PHLPP1: variants seen among roughly 807,000 people sequenced by gnomAD.
PHLPP1 encodes the protein PH domain leucine-rich repeat-containing protein phosphatase 1.
PHLPP1 carries 42 observed loss-of-function variants against 117.2 expected under a neutral mutation model. The observed-to-expected ratio is 0.36, with a 90% CI of 0.28 to 0.46. The LOEUF (loss-of-function observed/expected upper bound fraction) is 0.46, where lower values mean the gene tolerates loss of function less well. Among genes scored for constraint, PHLPP1 ranks in the 20% least tolerant of loss-of-function variants. The pLI is 1.00. For synonymous variants in PHLPP1, 1,042 were observed against 970.7 expected, an observed-to-expected ratio of 1.07 and a Z score of -1.37; for missense variants, 2,084 against 2,241.9, an observed-to-expected ratio of 0.93 and a Z score of 1.42.
intron 13 of PHLPP1, among the ~76,000 whole-genome samples, chr18:62,962,344 GT>G (rs1910794869): frequency 6.6e-6 from 1 of 152,124 alleles, no homozygotes; most frequent in African/African-American, 2.4e-5. Context: ...TTTCGCTCTT[GT>G]TGCCCAGGCT....
chr18:62,806,126 A>G (rs1167771635), intron 1 of PHLPP1, among the ~76,000 whole-genome samples: 1 of 152,060 alleles, frequency 6.6e-6, no homozygotes, highest in Admixed American at 6.6e-5. Flanking sequence ...TTTATATCAT[A>G]TCCTTACCCT....
intron 10 of PHLPP1, among the ~76,000 whole-genome samples, chr18:62,920,420 G>A (rs1909426233): frequency 3.9e-5 from 6 of 152,168 alleles, no homozygotes; most frequent in Admixed American, 3.3e-4. Context: ...TTACTACCTG[G>A]TCACATCCCA....
Position 62,716,773 on chromosome 18 carries a change from G to T in PHLPP1, c.1090G>T (p.Asp364Tyr). 8 of 1,526,190 alleles carry T rather than the reference G, an allele frequency of 5.2e-6. No individual in the cohort carries two copies. The highest frequency in any genetic ancestry group is 7.0e-6 in the Non-Finnish European group (8 of 1,142,102). The allele number at this position is 1,526,190 out of a possible 1,614,324, so 94.5% of individuals were successfully genotyped here. A position where few individuals can be genotyped will look rare whatever the true frequency, so the allele number is the denominator to read the frequency against. The change falls in exon 1 of 17, where the codon GAC becomes TAC. Residue 364 changes from aspartate to tyrosine, a missense_variant. Physicochemically the swap from Asp to Tyr is radical, Grantham distance 160. Around this residue, in one of 2 missense-constraint regions of PHLPP1, gnomAD observed 719 missense variants for 636.0 expected, o/e 1.13. Transcript: ENST00000262719. The surrounding 1 kb of genome is among the most constrained non-coding windows in gnomAD (Gnocchi z 5.7). ...CGCCGAGAGCGTGTCTGACCGGTTG[G>T]ACCCCTACAGCAGCGGCGGCGGCTC... is the stretch of plus-strand genomic sequence containing the variant. ...PSAESVSDRL[D>Y]PYSSGGGSSS...
At chr18:62,973,557 G>C (rs548772861) in intron 15 of PHLPP1, among the ~76,000 whole-genome samples, 196 of 152,342 alleles carry the variant, frequency 1.3e-3, no homozygotes, top group African/African-American at 4.5e-3. Context: ...AGAGCAAGTA[G>C]CTTTGTTAGA....
chr18:62,787,855 C>T (rs1271925214), intron 1 of PHLPP1, among the ~76,000 whole-genome samples: 3 of 152,106 alleles, frequency 2.0e-5, no homozygotes, highest in Non-Finnish European at 4.4e-5. Context: ...TGGATTTCAC[C>T]GATGTGTTTT....
At chr18:62,847,013 T>C (rs901853254) in intron 3 of PHLPP1, among the ~76,000 whole-genome samples, 1 of 152,222 alleles carries the variant, frequency 6.6e-6, no homozygotes, top group Admixed American at 6.5e-5. Context: ...TTATTTCAGT[T>C]TAGAACTATT....
chr18:62,963,401 T>C lies in PHLPP1; in HGVS notation c.3489T>C (p.Ser1163=), dbSNP rs1230036866. The C allele has an allele frequency of 6.2e-7, 1 of 1,613,470 alleles. No individual in the cohort carries two copies. Among genetic ancestry groups the C allele is most frequent in the South Asian group, 1.1e-5 (1 of 90,900 alleles). Residue 1163 remains serine (S), a synonymous_variant, in exon 14 of 17, where the codon TCT becomes TCC. Transcript: ENST00000262719. ...GCTGTTTCAAGATTGATCAGCCTTC[T>C]ACAGGAGACGCTTCCGGAGCCCCAG... ...NIRCFKIDQP[S]TGDASGAPAV...
intron 10 of PHLPP1, among the ~76,000 whole-genome samples, chr18:62,932,173 T>C (rs1447479179): frequency 6.6e-6 from 1 of 152,118 alleles, no homozygotes; most frequent in Non-Finnish European, 1.5e-5. Context: ...TGAATTCACA[T>C]CCGAATTCTA....
intron 6 of PHLPP1, among the ~76,000 whole-genome samples, chr18:62,896,837 A>G (rs1223199500): frequency 6.6e-6 from 1 of 152,128 alleles, no homozygotes; most frequent in Non-Finnish European, 1.5e-5. Context: ...CAGTCCCATA[A>G]AGAATTGCTT....
At chr18:62,866,937 G>A (rs568691604) in intron 4 of PHLPP1, among the ~76,000 whole-genome samples, 17 of 152,222 alleles carry the variant, frequency 1.1e-4, no homozygotes, top group East Asian at 7.7e-4. Flanking sequence ...GGTCTGTTGC[G>A]CTACCTTTGA....
chr18:62,977,984 G>A lies in PHLPP1; in HGVS notation c.3985-278G>A, dbSNP rs12456752. 4.6e-3 allele frequency among the ~76,000 whole-genome samples: 703 copies of A among 152,338 alleles called. 32 individuals are homozygous for A. Among genetic ancestry groups the A allele is most frequent in the Admixed American group, 0.043 (657 of 15,306 alleles). On this transcript the variant is annotated intron_variant, in intron 16 of 16. Transcript: ENST00000262719. ...TTGCTTTAGATAAACAGCAGGACTT[G>A]TGACCTAGTGTGAATGGGGTCCCAG...
At position 62,748,492 on chromosome 18, in the gene PHLPP1, C is replaced by A. The variant is rs144547354; in HGVS notation, c.1576+31233C>A. Reference sequence around the variant, plus strand: ...GAACTCCTGGGCTCAAGCAGTCTGCCGGCCTTGGCCACCAAAGTGCTGGGA... The same window carrying A: ...GAACTCCTGGGCTCAAGCAGTCTGCAGGCCTTGGCCACCAAAGTGCTGGGA... On this transcript the variant is annotated intron_variant, in intron 1 of 16. Transcript: ENST00000262719. 4.5e-4 allele frequency among the ~76,000 whole-genome samples: 68 copies of A among 152,260 alleles called. 1 individual carries two copies. The highest frequency in any genetic ancestry group is 4.3e-3 in the South Asian group (21 of 4,832).
intron 1 of PHLPP1, among the ~76,000 whole-genome samples, chr18:62,802,916 G>A (rs943967212): frequency 6.6e-6 from 1 of 152,208 alleles, no homozygotes; most frequent in African/African-American, 2.4e-5. Flanking sequence ...GGCAGGGCAA[G>A]TTGGTAAGGA....
At chr18:62,759,444 G>A (rs1296889637) in intron 1 of PHLPP1, among the ~76,000 whole-genome samples, 2 of 152,212 alleles carry the variant, frequency 1.3e-5, no homozygotes, top group Non-Finnish European at 2.9e-5. Flanking sequence ...CTTTGGAAAT[G>A]CAACAGACAG....
At chr18:62,788,171 C>T (rs1166899949) in intron 1 of PHLPP1, among the ~76,000 whole-genome samples, 1 of 152,130 alleles carries the variant, frequency 6.6e-6, no homozygotes, top group Non-Finnish European at 1.5e-5. Flanking sequence ...AGTTTGTTTT[C>T]TTTAAATTCC....
chr18:62,937,143 G>A (rs2456488), intron 10 of PHLPP1, among the ~76,000 whole-genome samples: 74,005 of 152,062 alleles, frequency 0.49, 18,090 homozygotes, highest in Middle Eastern at 0.59. Flanking sequence ...TAAAATTTAA[G>A]GGTGTGCTGG....
At chr18:62,872,724 C>T (rs996113332) in intron 4 of PHLPP1, among the ~76,000 whole-genome samples, 2 of 143,070 alleles carry the variant, frequency 1.4e-5, no homozygotes, top group African/African-American at 2.6e-5. Context: ...TGGTGGCTCA[C>T]GCCTGTAATC....
At chr18:62,847,526 TA>T (rs1915212406) in intron 3 of PHLPP1, among the ~76,000 whole-genome samples, 2 of 152,218 alleles carry the variant, frequency 1.3e-5, no homozygotes. Flanking sequence ...AAATAACTTC[TA>T]GGGCTCAAGG....
intron 6 of PHLPP1, among the ~76,000 whole-genome samples, chr18:62,897,125 A>G (rs1159620469): frequency 4.6e-5 from 7 of 152,174 alleles, no homozygotes; most frequent in Admixed American, 3.9e-4. Flanking sequence ...CAGTGGTAGA[A>G]CTTCATTAGA....
Sources: gnomAD v4.1 joint callset for allele counts (sites outside exome capture counted in the v4.1 genomes callset) on GRCh38, gnomAD v4.1.1 for gene constraint, gnomAD v4.1.1 regional missense constraint, Gnocchi (gnomAD v3.1) non-coding constraint, MANE v1.5 for transcripts, NCBI Gene and HGNC (gene_info 2026-07-23, HGNC 2026-07-21) for gene names.